The following NR3C2 variants were observed in gnomAD, a reference collection of about 807,000 sequenced individuals.
The protein encoded by NR3C2 is nuclear receptor subfamily 3 group C member 2.
NR3C2 carries 15 observed loss-of-function variants against 86.4 expected under a neutral mutation model. That is an observed-to-expected ratio of 0.17 (90% CI 0.12 to 0.27). The LOEUF (loss-of-function observed/expected upper bound fraction) is 0.27, where lower values mean the gene tolerates loss of function less well. Ranked by LOEUF, NR3C2 falls within the 10% of genes least tolerant of loss-of-function variation. The pLI is 1.00. For missense variants in NR3C2, 960 were observed against 1,195.6 expected, an observed-to-expected ratio of 0.80 and a Z score of 2.91; for synonymous variants, 458 against 450.5, an observed-to-expected ratio of 1.02 and a Z score of -0.21.
At chr4:148,134,108 G>A (rs542346565) in intron 6 of NR3C2, among the ~76,000 whole-genome samples, 9 of 152,306 alleles carry the variant, frequency 5.9e-5, no homozygotes, top group African/African-American at 1.9e-4. Context: ...TCATCTGCCT[G>A]AATAGAAAAG....
chr4:148,175,719 G>A (rs981344125), intron 4 of NR3C2, among the ~76,000 whole-genome samples: 2 of 151,928 alleles, frequency 1.3e-5, no homozygotes, highest in African/African-American at 4.8e-5. Context: ...GCCTTCCTAT[G>A]TAAATAAAGA....
intron 2 of NR3C2, among the ~76,000 whole-genome samples, chr4:148,309,694 T>A (rs1159207674): frequency 6.6e-6 from 1 of 152,240 alleles, no homozygotes; most frequent in African/African-American, 2.4e-5. Flanking sequence ...ATGCAGTGTT[T>A]TTATGAACAG....
intron 3 of NR3C2, among the ~76,000 whole-genome samples, chr4:148,245,437 G>A (rs1488586378): frequency 6.6e-6 from 1 of 152,090 alleles, no homozygotes; most frequent in Non-Finnish European, 1.5e-5. Flanking sequence ...CCTTCACTGT[G>A]TAACTATGGA....
At chr4:148,423,966 G>T (rs1170472715) in intron 2 of NR3C2, among the ~76,000 whole-genome samples, 1 of 152,162 alleles carries the variant, frequency 6.6e-6, no homozygotes, top group African/African-American at 2.4e-5. Context: ...GCCCACCTAG[G>T]CCTCCCAAAG....
chr4:148,088,482 T>C lies in NR3C2; in HGVS notation c.2800-6983A>G, dbSNP rs532736121. Among the ~76,000 whole-genome samples, 166 of 152,226 alleles carry C rather than the reference T, an allele frequency of 1.1e-3. 4 individuals carry two copies. The highest frequency in any genetic ancestry group is 3.4e-3 in the Middle Eastern group (1 of 294). ...AACCAACCCAAATCCCCATCAGTGA[T>C]AGAATGGATAAAGAAAATGTGGCAC... On this transcript the variant is annotated intron_variant, in intron 8 of 8. Coordinates refer to ENST00000358102, the MANE Select transcript of NR3C2 (RefSeq NM_000901.5).
chr4:148,261,228 CACTAT>C lies in NR3C2; in HGVS notation c.1758-1116_1758-1112del, dbSNP rs1164477283. Among the ~76,000 whole-genome samples, 4 of 151,246 alleles carry C rather than the reference CACTAT, an allele frequency of 2.6e-5. No homozygotes were observed. In the East Asian group the frequency reaches 7.8e-4, roughly 30 times the overall value. The stretch of plus-strand genomic sequence containing the variant: ...AAGCGCTATGGTAAGCCCTATGGTG[CACTAT>C]GGTAAGCGCTATGGTGCACTATGGT... On this transcript the variant is annotated intron_variant, in intron 2 of 8. Transcript: ENST00000358102.
chr4:148,140,992 T>C (rs1733576022), intron 6 of NR3C2, among the ~76,000 whole-genome samples: 1 of 152,238 alleles, frequency 6.6e-6, no homozygotes, highest in Non-Finnish European at 1.5e-5. Context: ...TAAAGAAGTC[T>C]GCAAAACTGA....
intron 3 of NR3C2, among the ~76,000 whole-genome samples, chr4:148,196,317 G>T (rs1401411119): frequency 6.6e-5 from 10 of 152,210 alleles, no homozygotes; most frequent in Non-Finnish European, 1.3e-4. Context: ...CTTGGACATG[G>T]TAAGTTAGAG....
intron 7 of NR3C2, among the ~76,000 whole-genome samples, chr4:148,115,088 AC>A (rs2149728714): frequency 6.6e-6 from 1 of 152,336 alleles, no homozygotes; most frequent in Non-Finnish European, 1.5e-5. Flanking sequence ...AAAATTTAAA[AC>A]TTTCAAAGAG....
At chr4:148,291,815 CTG>C (rs1741808630) in intron 2 of NR3C2, among the ~76,000 whole-genome samples, 1 of 152,120 alleles carries the variant, frequency 6.6e-6, no homozygotes, top group South Asian at 2.1e-4. Context: ...ACACTGTAAA[CTG>C]AAAGTGCATT....
chr4:148,148,593 G>T (rs1013874736), intron 6 of NR3C2, among the ~76,000 whole-genome samples: 5 of 152,128 alleles, frequency 3.3e-5, no homozygotes, highest in African/African-American at 1.2e-4. Flanking sequence ...GAAGGCCCAT[G>T]TTTCTTCCTG....
intron 3 of NR3C2, among the ~76,000 whole-genome samples, chr4:148,258,565 C>A (rs1414311902): frequency 1.3e-5 from 2 of 152,176 alleles, no homozygotes; most frequent in Non-Finnish European, 2.9e-5. Context: ...GGCACTGGGG[C>A]AGAGGTGGGC....
intron 2 of NR3C2, among the ~76,000 whole-genome samples, chr4:148,407,132 T>C (rs562809394): frequency 2.0e-5 from 3 of 152,284 alleles, no homozygotes; most frequent in Admixed American, 2.0e-4. Context: ...CTGAGGCTTA[T>C]AGAAATTAAT....
chr4:148,412,425 C>G (rs1019711783), intron 2 of NR3C2, among the ~76,000 whole-genome samples: 1 of 152,134 alleles, frequency 6.6e-6, no homozygotes, highest in African/African-American at 2.4e-5. Flanking sequence ...AAAAAAAGAT[C>G]AAGCTGGAAT....
chr4:148,239,928 C>G (rs963550391), intron 3 of NR3C2, among the ~76,000 whole-genome samples: 4 of 152,030 alleles, frequency 2.6e-5, no homozygotes, highest in African/African-American at 7.2e-5. Context: ...CCTCCTCTTT[C>G]ACGATGATGG....
intron 3 of NR3C2, among the ~76,000 whole-genome samples, chr4:148,228,964 T>C (rs542435693): frequency 2.6e-5 from 4 of 152,090 alleles, no homozygotes; most frequent in Admixed American, 2.0e-4. Context: ...CTGAGAGGCA[T>C]AGAAGGGATG....
chr4:148,117,013 G>C (rs1422121143), intron 7 of NR3C2, among the ~76,000 whole-genome samples: 1 of 152,172 alleles, frequency 6.6e-6, no homozygotes, highest in Non-Finnish European at 1.5e-5. Flanking sequence ...CATTTTCAGT[G>C]AATTTAAAGA....
Position 148,081,375 on chromosome 4 carries a change from T to C in NR3C2, c.2924A>G (p.Asn975Ser), listed in dbSNP as rs1447946786. ...CCGGTGGAAGTAGAGCGGCTTGGCGTTCCCCGACTCCACCTTGGGCAGCTG... is the reference window on the plus strand; with the variant it reads ...CCGGTGGAAGTAGAGCGGCTTGGCGCTCCCCGACTCCACCTTGGGCAGCTG... The part of the protein sequence containing the change: ...SDQLPKVESG[N>S]AKPLYFHRK The change falls in exon 9 of 9, where the codon AAC becomes AGC. Residue 975 changes from asparagine to serine, a missense_variant. By Grantham distance (46) the Asn-to-Ser change is conservative (BLOSUM62 1). Transcript: ENST00000358102. 6.2e-7 allele frequency: 1 copy of C among 1,613,996 alleles called. No homozygotes were observed. The highest frequency in any genetic ancestry group is 2.2e-5 in the East Asian group (1 of 44,862).
chr4:148,331,805 A>G (rs184151373), intron 2 of NR3C2, among the ~76,000 whole-genome samples: 1 of 152,364 alleles, frequency 6.6e-6, no homozygotes, highest in East Asian at 1.9e-4. Flanking sequence ...AACTTGTCAC[A>G]TACCAAGTAC....
Sources: allele counts gnomAD v4.1 joint callset (sites outside exome capture counted in the v4.1 genomes callset), GRCh38; gene constraint gnomAD v4.1.1; transcripts MANE v1.5; gene names NCBI Gene and HGNC (gene_info 2026-07-23, HGNC 2026-07-21).